NTNG1: variants seen among roughly 807,000 people sequenced by gnomAD.
NTNG1 encodes the protein netrin-G1.
NTNG1 carries 16 observed loss-of-function variants against 54.0 expected under a neutral mutation model. That is an observed-to-expected ratio of 0.30 (90% confidence interval 0.20 to 0.45). The LOEUF is 0.45. Among genes scored for constraint, NTNG1 ranks in the 20% least tolerant of loss-of-function variants. NTNG1 has a pLI of 1.00. For synonymous variants in NTNG1, 255 were observed against 263.1 expected, an observed-to-expected ratio of 0.97 and a Z score of 0.30; for missense variants, 530 against 678.7, an observed-to-expected ratio of 0.78 and a Z score of 2.43.
At chr1:107,206,418 G>T (rs1164451841) in intron 2 of NTNG1, among the ~76,000 whole-genome samples, 1 of 151,920 alleles carries the variant, frequency 6.6e-6, no homozygotes, top group African/African-American at 2.4e-5. Flanking sequence ...ACGTTTACTG[G>T]CCCTTTGAGC....
chr1:107,230,881 T>C (rs1034012802), intron 2 of NTNG1, among the ~76,000 whole-genome samples: 2 of 152,078 alleles, frequency 1.3e-5, no homozygotes, highest in Non-Finnish European at 2.9e-5. Context: ...ATTTCAAAGA[T>C]GAGTGAATTT....
chr1:107,234,647 A>G (rs539121531), intron 2 of NTNG1, among the ~76,000 whole-genome samples: 1 of 152,360 alleles, frequency 6.6e-6, no homozygotes, highest in Non-Finnish European at 1.5e-5. Flanking sequence ...CAGCCAAAAA[A>G]TTACAGAAGC....
At chr1:107,419,674 C>T (rs957574465) in intron 5 of NTNG1, among the ~76,000 whole-genome samples, 4 of 147,112 alleles carry the variant, frequency 2.7e-5, no homozygotes, top group African/African-American at 1.0e-4. Context: ...TAGCTATATA[C>T]AGGATGTTCC....
intron 2 of NTNG1, among the ~76,000 whole-genome samples, chr1:107,272,658 C>T (rs1482155084): frequency 6.6e-6 from 1 of 152,158 alleles, no homozygotes; most frequent in Non-Finnish European, 1.5e-5. Context: ...CAGAAGGAAC[C>T]ATTTCCCCAT....
intron 2 of NTNG1, among the ~76,000 whole-genome samples, chr1:107,171,258 C>T (rs899682974): frequency 2.0e-5 from 3 of 152,008 alleles, no homozygotes; most frequent in Admixed American, 2.0e-4. Flanking sequence ...ATTTTTCACC[C>T]CCAAAAAAGT....
At chr1:107,457,421 A>G (rs1276276410) in intron 7 of NTNG1, among the ~76,000 whole-genome samples, 1 of 152,208 alleles carries the variant, frequency 6.6e-6, no homozygotes, top group East Asian at 1.9e-4. Context: ...TGCTATAGAT[A>G]TACAGATATG....
At chr1:107,340,272 A>T (rs984650538) in intron 3 of NTNG1, among the ~76,000 whole-genome samples, 1 of 152,094 alleles carries the variant, frequency 6.6e-6, no homozygotes, top group Non-Finnish European at 1.5e-5. Flanking sequence ...CATATCCAGA[A>T]AATTGATAGG....
chr1:107,384,572 G>C (rs1008839777), intron 3 of NTNG1, among the ~76,000 whole-genome samples: 2 of 152,112 alleles, frequency 1.3e-5, no homozygotes, highest in African/African-American at 4.8e-5. Context: ...TTTCTTTATA[G>C]TCTATACCAG....
chr1:107,142,595 A>T (rs978904954), intron 1 of NTNG1, among the ~76,000 whole-genome samples: 4 of 151,912 alleles, frequency 2.6e-5, no homozygotes, highest in Admixed American at 2.6e-4. Flanking sequence ...CATATGGTGA[A>T]TCTGGCAGTA....
chr1:107,171,864 G>A (rs1656266955), intron 2 of NTNG1, among the ~76,000 whole-genome samples: 1 of 151,930 alleles, frequency 6.6e-6, no homozygotes, highest in African/African-American at 2.4e-5. Context: ...TGAAACATAG[G>A]ATACTTTTAC....
chr1:107,281,269 G>A (rs1168045012), intron 2 of NTNG1, among the ~76,000 whole-genome samples: 1 of 152,066 alleles, frequency 6.6e-6, no homozygotes, highest in Non-Finnish European at 1.5e-5. Context: ...GCCCCCAGTA[G>A]AGTGAGGACA....
At chr1:107,448,833 T>C (rs559857610) in intron 7 of NTNG1, among the ~76,000 whole-genome samples, 89 of 152,190 alleles carry the variant, frequency 5.8e-4, no homozygotes, top group African/African-American at 2.1e-3. Context: ...CTTAAACAAG[T>C]AGCCTATTTG....
At chr1:107,308,554 G>A (rs919727662) in intron 2 of NTNG1, among the ~76,000 whole-genome samples, 2 of 152,112 alleles carry the variant, frequency 1.3e-5, no homozygotes, top group African/African-American at 2.4e-5. Context: ...GGTTACTGTA[G>A]CCCTGTAGTA....
intron 2 of NTNG1, among the ~76,000 whole-genome samples, chr1:107,289,294 T>C (rs1223787507): frequency 2.0e-5 from 3 of 152,192 alleles, no homozygotes; most frequent in Non-Finnish European, 4.4e-5. Flanking sequence ...TCCCCATGTA[T>C]ATGCAGCTTC....
chr1:107,235,884 C>A (rs950466808), intron 2 of NTNG1, among the ~76,000 whole-genome samples: 1 of 152,116 alleles, frequency 6.6e-6, no homozygotes, highest in Non-Finnish European at 1.5e-5. Flanking sequence ...CCAGGGCTCA[C>A]TAAGATACTG....
chr1:107,480,569 T>TGCCCCCCCCCCCCCC, intron 7 of NTNG1, 42 bp from the exon 8 acceptor site: 3 of 609,596 alleles, frequency 4.9e-6, no homozygotes, highest in Non-Finnish European at 6.2e-6. Flanking sequence ...CTGCTTCTCC[T>TGCCCCCCCCCCCCCC]CCCCGCGCCC....
rs1678721361 is a variant in NTNG1, at chr1:107,481,615, C to T, written c.*775C>T. 6.6e-6 allele frequency: 1 copy of T among 152,594 alleles called. No individual in the cohort carries two copies. Among genetic ancestry groups the T allele is most frequent in the African/African-American group, 2.4e-5 (1 of 41,432 alleles). 9.5% of individuals were successfully genotyped at this position (152,594 alleles called of 1,614,324 possible). ...ATTATTGCCAATTTGTGTTACCAGA[C>T]AATCTGTTAATGTATCTAATTCGAA... is the stretch of plus-strand genomic sequence containing the variant. On this transcript the variant is annotated 3_prime_UTR_variant, in exon 8 of 8. Coordinates refer to ENST00000370068, the MANE Select transcript of NTNG1 (RefSeq NM_001113226.3).
chr1:107,247,861 A>T (rs941461313), intron 2 of NTNG1, among the ~76,000 whole-genome samples: 1 of 152,182 alleles, frequency 6.6e-6, no homozygotes, highest in Non-Finnish European at 1.5e-5. Flanking sequence ...TGTGTCTGAC[A>T]CCCACCTTTT....
intron 2 of NTNG1, among the ~76,000 whole-genome samples, chr1:107,243,884 A>G (rs1662008893): frequency 6.6e-6 from 1 of 152,184 alleles, no homozygotes; most frequent in Non-Finnish European, 1.5e-5. Flanking sequence ...CTTTAAATAT[A>G]TTATTTTTCA....
Sources: allele counts gnomAD v4.1 joint callset (sites outside exome capture counted in the v4.1 genomes callset), GRCh38; gene constraint gnomAD v4.1.1; transcripts MANE v1.5; gene names NCBI Gene and HGNC (gene_info 2026-07-23, HGNC 2026-07-21).